The following CTNNA2 variants were observed in gnomAD, a reference collection of about 807,000 sequenced individuals.
CTNNA2 encodes catenin alpha-2.
A neutral mutation model predicts 101.0 loss-of-function variants in CTNNA2; 42 were observed. The ratio of observed to expected loss-of-function variants is 0.42; its 90% confidence interval spans 0.32 to 0.54. The LOEUF is 0.54. Ranked by LOEUF, CTNNA2 falls within the 20% of genes least tolerant of loss-of-function variation. The pLI, the probability that CTNNA2 is intolerant of heterozygous loss-of-function variation, is 0.14. For missense variants in CTNNA2, 871 were observed against 1,223.1 expected, an observed-to-expected ratio of 0.71 and a Z score of 4.29; for synonymous variants, 450 against 456.4, an observed-to-expected ratio of 0.99 and a Z score of 0.18.
chr2:80,040,262 C>A (rs1311729361), intron 7 of CTNNA2, among the ~76,000 whole-genome samples: 1 of 152,178 alleles, frequency 6.6e-6, no homozygotes, highest in Non-Finnish European at 1.5e-5. Flanking sequence ...AATAATGACT[C>A]TTAAATATTA....
chr2:79,250,497 A>G (rs988401946), intron 2 of CTNNA2, among the ~76,000 whole-genome samples: 2 of 152,130 alleles, frequency 1.3e-5, no homozygotes, highest in African/African-American at 4.8e-5. Context: ...GTTTTTATGC[A>G]GAGAGTCCTA....
chr2:79,427,437 T>G (rs934907080), intron 4 of CTNNA2, among the ~76,000 whole-genome samples: 1 of 152,038 alleles, frequency 6.6e-6, no homozygotes, highest in African/African-American at 2.4e-5. Context: ...CAATGCATTT[T>G]AATAACTTTT....
At chr2:79,518,135 A>C (rs979005177) in intron 1 of CTNNA2, among the ~76,000 whole-genome samples, 4 of 152,214 alleles carry the variant, frequency 2.6e-5, no homozygotes, top group Non-Finnish European at 4.4e-5. Context: ...TTCAATGAAT[A>C]ATTTTTAAAA....
Position 80,116,139 on chromosome 2 carries a change from C to T in CTNNA2, c.1056+206342C>T, listed in dbSNP as rs77070883. Among the ~76,000 whole-genome samples the T allele has an allele frequency of 3.2e-3, 490 of 151,934 alleles. 3 individuals carry two copies. Among genetic ancestry groups the T allele is most frequent in the African/African-American group, 0.011 (459 of 41,438 alleles). On this transcript the variant is annotated intron_variant, in intron 7 of 18. Coordinates refer to ENST00000402739, the MANE Select transcript of CTNNA2 (RefSeq NM_001282597.3). The stretch of plus-strand genomic sequence containing the variant: ...TATAGTCTCTGTTGCAATTCCTCAG[C>T]AATATCATTATAGCACAAAAGCAGC...
chr2:80,074,789 A>G (rs1047240905), intron 7 of CTNNA2, among the ~76,000 whole-genome samples: 2 of 152,216 alleles, frequency 1.3e-5, no homozygotes, highest in Non-Finnish European at 2.9e-5. Flanking sequence ...ATCACCCCAA[A>G]TAATACTGCA....
intron 7 of CTNNA2, among the ~76,000 whole-genome samples, chr2:79,912,269 T>C (rs1256611440): frequency 6.6e-6 from 1 of 152,222 alleles, no homozygotes; most frequent in African/African-American, 2.4e-5. Context: ...TGTTCTAAAA[T>C]TGTATACATG....
intron 9 of CTNNA2, among the ~76,000 whole-genome samples, chr2:80,512,338 C>T (rs569722945): frequency 1.3e-5 from 2 of 152,078 alleles, no homozygotes; most frequent in South Asian, 4.2e-4. Context: ...GGCATGGAAC[C>T]TTATGTGCTG....
Position 79,224,716 on chromosome 2 carries a change from C to T in CTNNA2, c.-406+26640C>T, listed in dbSNP as rs75827439. Among the ~76,000 whole-genome samples the T allele has an allele frequency of 4.0e-3, 608 of 151,964 alleles. 2 individuals are homozygous for T. The highest frequency in any genetic ancestry group is 0.013 in the African/African-American group (552 of 41,500). On this transcript the variant is annotated intron_variant, in intron 2 of 21. Transcript: ENST00000466387. ...ATACAGAATATTACTGTCAACCCAA[C>T]GAGTCTCCTCATATGCTTTTTCAAT...
intron 3 of CTNNA2, among the ~76,000 whole-genome samples, chr2:79,369,234 A>G (rs950361222): frequency 4.6e-5 from 7 of 152,150 alleles, no homozygotes; most frequent in Admixed American, 3.9e-4. Flanking sequence ...AACAAGAGCC[A>G]TTTTTAGATT....
Position 80,640,561 on chromosome 2 carries a change from A to G in CTNNA2, c.2575-7024A>G, listed in dbSNP as rs114302248. On this transcript the variant is annotated intron_variant, in intron 18 of 18. Coordinates refer to ENST00000402739, the MANE Select transcript of CTNNA2 (RefSeq NM_001282597.3). Reference sequence around the variant, plus strand: ...TACCCTGGACTTTCTAGAGGTTTTTAAAAAGTGTTATTGATATAGACTCTG... The same window carrying G: ...TACCCTGGACTTTCTAGAGGTTTTTGAAAAGTGTTATTGATATAGACTCTG... Among the ~76,000 whole-genome samples the G allele has an allele frequency of 4.9e-3, 752 of 152,318 alleles. 4 individuals are homozygous for G. The highest frequency in any genetic ancestry group is 0.017 in the African/African-American group (708 of 41,570).
intron 12 of CTNNA2, among the ~76,000 whole-genome samples, chr2:80,564,425 A>G (rs1693870688): frequency 6.6e-6 from 1 of 152,206 alleles, no homozygotes; most frequent in East Asian, 1.9e-4. Context: ...TTCTTTCCTC[A>G]GGAAAAGGAA....
chr2:80,224,992 A>C (rs1467211529), intron 7 of CTNNA2, among the ~76,000 whole-genome samples: 15 of 152,158 alleles, frequency 9.9e-5, no homozygotes, highest in Non-Finnish European at 7.3e-5. Context: ...TGCTGCATCC[A>C]AATCCCCACA....
intron 7 of CTNNA2, among the ~76,000 whole-genome samples, chr2:79,996,176 T>G (rs1230724664): frequency 1.3e-5 from 2 of 152,194 alleles, no homozygotes; most frequent in African/African-American, 4.8e-5. Context: ...TTTGACTAAG[T>G]CAGAAGCATA....
chr2:80,127,222 T>G (rs1226028038), intron 7 of CTNNA2, among the ~76,000 whole-genome samples: 1 of 152,192 alleles, frequency 6.6e-6, no homozygotes, highest in Non-Finnish European at 1.5e-5. Context: ...TTTACTATTT[T>G]AGATCAAAAG....
chr2:79,534,502 A>T (rs779685326), intron 1 of CTNNA2, among the ~76,000 whole-genome samples: 25 of 151,638 alleles, frequency 1.6e-4, no homozygotes, highest in Non-Finnish European at 2.9e-4. Flanking sequence ...TTTTCAATTT[A>T]ATTATCTTAA....
intron 7 of CTNNA2, among the ~76,000 whole-genome samples, chr2:80,148,349 G>C (rs1283692963): frequency 6.6e-6 from 1 of 152,176 alleles, no homozygotes. Flanking sequence ...CAAGGAACTG[G>C]ATATTTACAA....
At chr2:80,475,189 G>A (rs1461701116) in intron 9 of CTNNA2, among the ~76,000 whole-genome samples, 1 of 152,124 alleles carries the variant, frequency 6.6e-6, no homozygotes, top group African/African-American at 2.4e-5. Context: ...TAATAAGTAC[G>A]TGTGCCAATG....
intron 7 of CTNNA2, among the ~76,000 whole-genome samples, chr2:80,366,322 T>G (rs985371853): frequency 2.6e-5 from 4 of 152,152 alleles, no homozygotes; most frequent in Non-Finnish European, 5.9e-5. Flanking sequence ...GCAGGGTTAA[T>G]CAAGTTAAAC....
chr2:79,659,357 C>T (rs1681851005), intron 2 of CTNNA2, among the ~76,000 whole-genome samples: 1 of 151,740 alleles, frequency 6.6e-6, no homozygotes, highest in South Asian at 2.1e-4. Flanking sequence ...CAGAGAATAT[C>T]ATTATTGAGA....
Sources: gnomAD v4.1 joint callset for allele counts (sites outside exome capture counted in the v4.1 genomes callset) on GRCh38, gnomAD v4.1.1 for gene constraint, MANE v1.5 for transcripts, NCBI Gene and HGNC (gene_info 2026-07-23, HGNC 2026-07-21) for gene names.